The following SNTG2 variants were observed in gnomAD, a reference collection of about 807,000 sequenced individuals.
The protein encoded by SNTG2 is gamma-2-syntrophin.
A neutral mutation model predicts 70.9 loss-of-function variants in SNTG2; 74 were observed. The ratio of observed to expected loss-of-function variants is 1.04; its 90% CI spans 0.86 to 1.27. The LOEUF is 1.27. SNTG2 is among the 50% of genes most tolerant of loss of function. The probability of loss-of-function intolerance (pLI) is 0.00; values close to 1 mark genes in which losing one functional copy is unlikely to be tolerated. For synonymous variants in SNTG2, 278 were observed against 273.8 expected (o/e 1.02, Z -0.15); for missense variants, 717 against 690.7 (o/e 1.04, Z -0.43).
rs10648703 is a variant in SNTG2 at position 980,695 on chromosome 2, TACAC to T, written c.72+29649_72+29652del. 9.9e-3 allele frequency among the ~76,000 whole-genome samples: 1,480 copies of T among 150,106 alleles called. 22 individuals are homozygous for T. Among genetic ancestry groups the T allele is most frequent in the African/African-American group, 0.034 (1,399 of 40,980 alleles). On this transcript the variant is annotated intron_variant, in intron 1 of 16. Coordinates refer to ENST00000308624, the MANE Select transcript of SNTG2 (RefSeq NM_018968.4). ...TAGGCCTAGTGTTTATAGACACATGTACACACACACACACACACACACACATTTA... is the reference window on the plus strand; with the variant it reads ...TAGGCCTAGTGTTTATAGACACATGTACACACACACACACACACACATTTA...
At chr2:1,158,518 G>A (rs546837317) in intron 6 of SNTG2, 1 of 152,126 alleles carries the variant, frequency 6.6e-6, no homozygotes, top group East Asian at 1.9e-4. Flanking sequence ...AAAGAAAGAA[G>A]AATATTCATG....
intron 1 of SNTG2, among the ~76,000 whole-genome samples, chr2:1,014,461 T>G (rs56213715): frequency 1.4e-3 from 87 of 62,136 alleles, no homozygotes; most frequent in Middle Eastern, 0.02. Flanking sequence ...GGGTGGTCTG[T>G]AGAGGGATTT....
intron 15 of SNTG2, among the ~76,000 whole-genome samples, chr2:1,311,985 G>A (rs970164616): frequency 1.2e-4 from 19 of 152,048 alleles, no homozygotes; most frequent in African/African-American, 4.1e-4. Flanking sequence ...ATCCTCCTTC[G>A]AAGCCTGTGT....
chr2:952,452 A>T (rs1038608672), intron 1 of SNTG2, among the ~76,000 whole-genome samples: 15 of 152,256 alleles, frequency 9.9e-5, no homozygotes, highest in Admixed American at 2.6e-4. Flanking sequence ...TTGATGAGTT[A>T]TTGGCAATAA....
chr2:1,048,105 C>T (rs1421579375), intron 1 of SNTG2, among the ~76,000 whole-genome samples: 1 of 151,986 alleles, frequency 6.6e-6, no homozygotes, highest in Non-Finnish European at 1.5e-5. Context: ...GTCTTCATCC[C>T]TATTTCAATT....
At chr2:1,072,326 C>CTTTTCTTTTTCTT (rs1663616987) in intron 1 of SNTG2, among the ~76,000 whole-genome samples, 1 of 127,940 alleles carries the variant, frequency 7.8e-6, no homozygotes, top group Non-Finnish European at 1.6e-5. Context: ...TTTTCTTTTT[C>CTTTTCTTTTTCTT]TTTTTCTTTT....
At chr2:1,100,567 G>A (rs1665722710) in intron 4 of SNTG2, among the ~76,000 whole-genome samples, 1 of 152,204 alleles carries the variant, frequency 6.6e-6, no homozygotes, top group African/African-American at 2.4e-5. Context: ...GCAGGGCCCA[G>A]TGCTTTGGCT....
intron 11 of SNTG2, among the ~76,000 whole-genome samples, chr2:1,246,156 C>T (rs576982334): frequency 2.6e-5 from 4 of 152,168 alleles, no homozygotes; most frequent in African/African-American, 4.8e-5. Flanking sequence ...AAAACTAAAA[C>T]GTTTAATGCA....
In SNTG2 at chr2:1,006,367, A is replaced by G. The variant is rs1030067275; in HGVS notation, c.72+55299A>G. 2.0e-5 allele frequency among the ~76,000 whole-genome samples: 3 copies of G among 150,594 alleles called. No individual in the cohort carries two copies. In the East Asian group the frequency reaches 5.8e-4, roughly 29 times the overall value. ...ATACATATTAGTGAATATAACCTAT[A>G]AAATATTAACCAGATATTAAATAAA... On this transcript the variant is annotated intron_variant, in intron 1 of 16. Coordinates refer to ENST00000308624, the MANE Select transcript of SNTG2 (RefSeq NM_018968.4).
intron 1 of SNTG2, among the ~76,000 whole-genome samples, chr2:1,067,233 A>G (rs910028764): frequency 6.6e-6 from 1 of 152,188 alleles, no homozygotes; most frequent in Non-Finnish European, 1.5e-5. Flanking sequence ...AAATTCCAAC[A>G]ATGCGGAAAC....
chr2:1,296,550 C>A (rs186788270), intron 14 of SNTG2, among the ~76,000 whole-genome samples: 1 of 152,346 alleles, frequency 6.6e-6, no homozygotes, highest in Non-Finnish European at 1.5e-5. Context: ...ATCAGTCCCC[C>A]ACAGAGATAG....
At chr2:1,188,055 C>T (rs1431344263) in intron 8 of SNTG2, among the ~76,000 whole-genome samples, 1 of 152,312 alleles carries the variant, frequency 6.6e-6, no homozygotes, top group Middle Eastern at 3.4e-3. Context: ...CAAGCGTTAG[C>T]TTTATAAACT....
At chr2:1,135,460 C>T (rs1248489197) in intron 4 of SNTG2, among the ~76,000 whole-genome samples, 1 of 152,190 alleles carries the variant, frequency 6.6e-6, no homozygotes, top group Non-Finnish European at 1.5e-5. Context: ...TGGCTCACGC[C>T]TGTAATCCCA....
intron 4 of SNTG2, among the ~76,000 whole-genome samples, chr2:1,115,222 C>T (rs1266093430): frequency 1.4e-5 from 2 of 141,540 alleles, no homozygotes; most frequent in Non-Finnish European, 3.0e-5. Context: ...TAATGTTTAA[C>T]CCCTATAGTT....
chr2:1,175,383 C>T (rs1175889261), intron 8 of SNTG2, among the ~76,000 whole-genome samples: 2 of 152,186 alleles, frequency 1.3e-5, no homozygotes, highest in East Asian at 3.9e-4. Context: ...CCTCTTGCCA[C>T]CTCCTAACTC....
intron 1 of SNTG2, among the ~76,000 whole-genome samples, chr2:996,579 T>TATCTAC (rs1248638153): frequency 6.6e-6 from 1 of 152,020 alleles, no homozygotes; most frequent in African/African-American, 2.4e-5. Context: ...CACATATGTG[T>TATCTAC]ATCTACATCT....
chr2:1,007,247 A>ACAGGC (rs1235371189), intron 1 of SNTG2, among the ~76,000 whole-genome samples: 1 of 152,094 alleles, frequency 6.6e-6, no homozygotes, highest in African/African-American at 2.4e-5. Context: ...AGGACATTAG[A>ACAGGC]CAGGCGACCT....
At chr2:1,100,182 C>T (rs7586982) in intron 4 of SNTG2, among the ~76,000 whole-genome samples, 18,598 of 151,900 alleles carry the variant, frequency 0.12, 1,314 homozygotes, top group Admixed American at 0.16. Context: ...TTCCCCCACC[C>T]CACTGACAGA....
chr2:1,063,054 T>C (rs1662927264), intron 1 of SNTG2, among the ~76,000 whole-genome samples: 1 of 152,262 alleles, frequency 6.6e-6, no homozygotes, highest in Admixed American at 6.5e-5. Flanking sequence ...CCTTACACTT[T>C]GTGTTTAGAT....
Sources: allele counts gnomAD v4.1 joint callset (sites outside exome capture counted in the v4.1 genomes callset), GRCh38; gene constraint gnomAD v4.1.1; transcripts MANE v1.5; gene names NCBI Gene and HGNC (gene_info 2026-07-23, HGNC 2026-07-21).